The following SLC3A1 variants were observed in gnomAD, a reference collection of about 807,000 sequenced individuals.
SLC3A1 encodes the protein solute carrier family 3 member 1, also known as amino acid transporter heavy chain SLC3A1.
A neutral mutation model predicts 60.3 loss-of-function variants in SLC3A1; 78 were observed. The observed-to-expected ratio is 1.29, with a 90% CI of 1.08 to 1.56. The LOEUF is 1.56. Among genes scored for constraint, SLC3A1 ranks in the 40% most tolerant of loss-of-function variants. The probability of loss-of-function intolerance (pLI) is 0.00; values close to 1 mark genes in which losing one functional copy is unlikely to be tolerated. For missense variants in SLC3A1, 1,172 were observed against 858.9 expected (o/e 1.36, Z -4.56); for synonymous variants, 392 against 307.9 (o/e 1.27, Z -2.86).
chr2:44,292,897 T>G (rs1671770325), intron 4 of SLC3A1, among the ~76,000 whole-genome samples: 1 of 152,184 alleles, frequency 6.6e-6, no homozygotes, highest in Non-Finnish European at 1.5e-5. Context: ...TTTTTATTTT[T>G]TTTCAATTTG....
At chr2:44,304,689 G>C (rs1672107857) in intron 7 of SLC3A1, among the ~76,000 whole-genome samples, 1 of 152,044 alleles carries the variant, frequency 6.6e-6, no homozygotes, top group Non-Finnish European at 1.5e-5. Context: ...CAGCAATTCA[G>C]GGCAACATAA....
At chr2:44,302,307 G>A (rs944624162) in intron 6 of SLC3A1, among the ~76,000 whole-genome samples, 2 of 151,544 alleles carry the variant, frequency 1.3e-5, no homozygotes, top group Admixed American at 6.6e-5. Context: ...AGGCTGTTGT[G>A]AGATTAAATT....
chr2:44,320,074 G>C, intron 9 of SLC3A1, 125 bp from the exon 10 acceptor site: 2 of 710,620 alleles, frequency 2.8e-6, no homozygotes, highest in Non-Finnish European at 4.7e-6. Flanking sequence ...CTTACAATTT[G>C]GCAATTATAA....
At chr2:44,291,910 G>T (rs17032089) in intron 4 of SLC3A1, among the ~76,000 whole-genome samples, 2 of 152,174 alleles carry the variant, frequency 1.3e-5, no homozygotes, top group Admixed American at 6.5e-5. Flanking sequence ...GCCATCAGGG[G>T]ACTTGGCTCT....
At chr2:44,315,493 C>A (rs1384033013) in intron 9 of SLC3A1, among the ~76,000 whole-genome samples, 1 of 106,100 alleles carries the variant, frequency 9.4e-6, no homozygotes. Context: ...TACCTTCCCC[C>A]TACCCCCGCC....
chr2:44,286,599 T>C (rs375851011), intron 4 of SLC3A1, among the ~76,000 whole-genome samples: 205 of 131,456 alleles, frequency 1.6e-3, no homozygotes, highest in African/African-American at 5.9e-3. Flanking sequence ...CTGTGCGGTG[T>C]CTGTGACGGT....
downstream of SLC3A1, chr2:44,321,842 C>G: frequency 6.2e-7 from 1 of 1,613,672 alleles, no homozygotes; most frequent in Non-Finnish European, 8.5e-7. Context: ...TGTGAGAATC[C>G]TCAATTACAT....
chr2:44,307,171 T>C (rs1672178487), intron 7 of SLC3A1, among the ~76,000 whole-genome samples: 1 of 152,252 alleles, frequency 6.6e-6, no homozygotes. Flanking sequence ...TTGTAGTATG[T>C]CTCAGTACAT....
At chr2:44,306,550 C>G (rs1305698054) in intron 7 of SLC3A1, among the ~76,000 whole-genome samples, 1 of 101,120 alleles carries the variant, frequency 9.9e-6, no homozygotes, top group East Asian at 2.9e-4. Flanking sequence ...TACCATAAAA[C>G]TTTTTTTTTT....
chr2:44,319,002 T>C (rs1672687358), intron 9 of SLC3A1: 1 of 152,226 alleles, frequency 6.6e-6, no homozygotes, highest in South Asian at 2.1e-4. Flanking sequence ...TAGCTAACAC[T>C]TACCGGGCAC....
chr2:44,277,695 C>G (rs890778886), intron 1 of SLC3A1, among the ~76,000 whole-genome samples: 2 of 152,108 alleles, frequency 1.3e-5, no homozygotes, highest in Non-Finnish European at 2.9e-5. Flanking sequence ...GACCTAAAGC[C>G]CTAAATCCAG....
At chr2:44,300,162 C>T (rs1030222212) in intron 5 of SLC3A1, 72 bp downstream of exon 5, 1 of 1,460,680 alleles carries the variant, frequency 6.8e-7, no homozygotes, top group East Asian at 2.3e-5. Flanking sequence ...CTTTCTCAGC[C>T]TGAGATACCA....
chr2:44,300,323 C>G (rs1671971470), intron 5 of SLC3A1, among the ~76,000 whole-genome samples: 1 of 152,116 alleles, frequency 6.6e-6, no homozygotes, highest in Non-Finnish European at 1.5e-5. Flanking sequence ...CCTTCAGTGA[C>G]AAGGGTTCTG....
At chr2:44,299,256 G>A (rs1333125434) in intron 4 of SLC3A1, among the ~76,000 whole-genome samples, 2 of 151,654 alleles carry the variant, frequency 1.3e-5, no homozygotes, top group African/African-American at 4.8e-5. Context: ...CCAGGCTGGT[G>A]TCAAACTCCT....
At chr2:44,281,259 A>G (rs1671492806) in intron 2 of SLC3A1, 128 bp from the exon 3 acceptor site, 1 of 818,866 alleles carries the variant, frequency 1.2e-6, no homozygotes, top group Admixed American at 2.0e-5. Context: ...CCTGGGCTCA[A>G]GCAATCCTCC....
At chr2:44,312,209 G>T (rs907053670) in intron 7 of SLC3A1, among the ~76,000 whole-genome samples, 4 of 152,042 alleles carry the variant, frequency 2.6e-5, no homozygotes, top group African/African-American at 7.2e-5. Context: ...TTTAAAAGAG[G>T]ACACATCAGA....
chr2:44,289,682 G>A (rs1311289600), intron 4 of SLC3A1, among the ~76,000 whole-genome samples: 2 of 152,022 alleles, frequency 1.3e-5, no homozygotes, highest in African/African-American at 2.4e-5. Flanking sequence ...CCAGGCTGGG[G>A]TGCAGTGGCG....
At chr2:44,310,201 T>C (rs1672259054) in intron 7 of SLC3A1, among the ~76,000 whole-genome samples, 1 of 152,210 alleles carries the variant, frequency 6.6e-6, no homozygotes, top group Non-Finnish European at 1.5e-5. Context: ...CCTTGGATCA[T>C]ATAGTACTTC....
intron 7 of SLC3A1, among the ~76,000 whole-genome samples, chr2:44,308,954 G>T (rs766811419): frequency 2.0e-5 from 3 of 151,986 alleles, no homozygotes; most frequent in East Asian, 3.9e-4. Context: ...AGATGGCCTC[G>T]GTCTCCTGAC....
Sources: gnomAD v4.1 joint callset for allele counts (sites outside exome capture counted in the v4.1 genomes callset) on GRCh38, gnomAD v4.1.1 for gene constraint, MANE v1.5 for transcripts, NCBI Gene and HGNC (gene_info 2026-07-23, HGNC 2026-07-21) for gene names.